CHCHD6: variants seen among roughly 807,000 people sequenced by gnomAD.
CHCHD6 encodes coiled-coil-helix-coiled-coil-helix domain containing 6.
In CHCHD6, 28 loss-of-function variants were observed where a neutral mutation model predicts 32.3. The observed-to-expected ratio is 0.87, with a 90% CI of 0.64 to 1.19. The LOEUF is 1.19. Among genes scored for constraint, CHCHD6 ranks in the 50% most tolerant of loss-of-function variants. The pLI is 0.00. For synonymous variants in CHCHD6, 122 were observed against 117.5 expected (o/e 1.04, Z -0.25); for missense variants, 333 against 307.0 (o/e 1.08, Z -0.63).
At chr3:126,766,588 G>C in intron 4 of CHCHD6, 1 of 1,190,018 alleles carries the variant, frequency 8.4e-7, no homozygotes. Flanking sequence ...TGCAGTGGAA[G>C]ACTTGGGCTT....
At chr3:126,866,890 C>T (rs1208147023) in intron 5 of CHCHD6, among the ~76,000 whole-genome samples, 1 of 152,196 alleles carries the variant, frequency 6.6e-6, no homozygotes, top group Non-Finnish European at 1.5e-5. Flanking sequence ...TATCTTGCCT[C>T]AGAGAATTGA....
chr3:126,738,086 G>C (rs1701044334), intron 4 of CHCHD6, among the ~76,000 whole-genome samples: 1 of 152,174 alleles, frequency 6.6e-6, no homozygotes, highest in Admixed American at 6.5e-5. Flanking sequence ...CAGTAGAGTA[G>C]CTGTCCTGTC....
intron 4 of CHCHD6, among the ~76,000 whole-genome samples, chr3:126,792,117 G>A (rs965211443): frequency 2.0e-5 from 3 of 151,848 alleles, no homozygotes; most frequent in South Asian, 4.1e-4. Flanking sequence ...CCATTCATCC[G>A]TTGATGGACA....
chr3:126,872,215 A>G (rs890417851), intron 5 of CHCHD6, among the ~76,000 whole-genome samples: 12 of 152,250 alleles, frequency 7.9e-5, no homozygotes, highest in Non-Finnish European at 1.5e-4. Flanking sequence ...TGCCCAGGAC[A>G]GCCCCTCACA....
chr3:126,808,832 T>TTTC (rs1440411593), intron 4 of CHCHD6, among the ~76,000 whole-genome samples: 4 of 152,212 alleles, frequency 2.6e-5, no homozygotes, highest in Admixed American at 2.0e-4. Flanking sequence ...GGAGAAGGAC[T>TTTC]TTCTGGTGAA....
intron 5 of CHCHD6, among the ~76,000 whole-genome samples, chr3:126,911,855 G>T (rs1440586044): frequency 6.6e-6 from 1 of 152,246 alleles, no homozygotes; most frequent in East Asian, 1.9e-4. Context: ...TTGGCAACAG[G>T]TGCCTGGGCC....
At chr3:126,953,221 G>C (rs1326637365) in intron 6 of CHCHD6, 11 of 769,578 alleles carry the variant, frequency 1.4e-5, no homozygotes, top group Non-Finnish European at 1.7e-5. Context: ...CTTTCCACTA[G>C]ACCAAGAGTC....
intron 4 of CHCHD6, among the ~76,000 whole-genome samples, chr3:126,748,613 GAAAGA>G (rs769009878): frequency 1.0e-4 from 15 of 145,654 alleles, no homozygotes; most frequent in East Asian, 1.0e-3. Context: ...AAAAAAAAAA[GAAAGA>G]AAAGAAATTA....
At chr3:126,733,365 A>G (rs1382458832) in intron 4 of CHCHD6, 143 bp downstream of exon 4, 2 of 766,186 alleles carry the variant, frequency 2.6e-6, no homozygotes, top group Non-Finnish European at 4.2e-6. Context: ...CTCTGTGGAA[A>G]AGGGTCTTTT....
intron 4 of CHCHD6, among the ~76,000 whole-genome samples, chr3:126,750,262 G>A (rs146605313): frequency 2.4e-4 from 37 of 152,164 alleles, no homozygotes; most frequent in Admixed American, 6.5e-4. Context: ...CCACAGAGTC[G>A]TCTTTGACTA....
chr3:126,875,507 T>G (rs1490294662), intron 5 of CHCHD6, among the ~76,000 whole-genome samples: 3 of 152,176 alleles, frequency 2.0e-5, no homozygotes, highest in Non-Finnish European at 4.4e-5. Flanking sequence ...AGAGCTTCCC[T>G]CAGAAATTTG....
chr3:126,954,959 G>A lies in CHCHD6; in HGVS notation c.567-2457G>A, dbSNP rs888694584. On this transcript the variant is annotated intron_variant, in intron 6 of 7. Coordinates refer to ENST00000290913, the MANE Select transcript of CHCHD6 (RefSeq NM_032343.3). ...CAGCCTTCTAAGGCTGGAGACTCAG[G>A]GAGCAGAACAGGAGGGGAGGCCTCT... Among the ~76,000 whole-genome samples, 3 of 152,352 alleles carry A rather than the reference G, an allele frequency of 2.0e-5. 1 individual carries two copies.
intron 4 of CHCHD6, among the ~76,000 whole-genome samples, chr3:126,827,115 G>A (rs1474012959): frequency 6.6e-6 from 1 of 152,160 alleles, no homozygotes; most frequent in African/African-American, 2.4e-5. Flanking sequence ...TGGAGGCAAG[G>A]GGGAAGAATG....
rs1935882931 is a variant in CHCHD6 at position 126,733,081 on chromosome 3, T to C, written c.270T>C (p.Tyr90=). 4 of 1,614,170 alleles carry C rather than the reference T, an allele frequency of 2.5e-6. No homozygotes were observed. Among genetic ancestry groups the C allele is most frequent in the Non-Finnish European group, 3.4e-6 (4 of 1,180,018 alleles). The change falls in exon 4 of 8, where the codon TAT becomes TAC. Residue 90 remains tyrosine, a synonymous_variant. Transcript: ENST00000290913. ...PSGMKEGVKR[Y]EQEHAAIQDK... ...TCCTCATGTTTCTTCTGCACAGGTA[T>C]GAACAGGAGCATGCTGCTATCCAGG...
intron 3 of CHCHD6, 53 bp downstream of exon 3, chr3:126,730,683 T>C: frequency 6.8e-7 from 1 of 1,469,512 alleles, no homozygotes; most frequent in South Asian, 1.1e-5. Flanking sequence ...TAAAAGCCTC[T>C]TTCCTCACTG....
chr3:126,851,174 A>G (rs1029504038), intron 4 of CHCHD6, among the ~76,000 whole-genome samples: 7 of 152,094 alleles, frequency 4.6e-5, no homozygotes, highest in Non-Finnish European at 8.8e-5. Context: ...CTTTCAGCTG[A>G]GTCTTTCTCC....
intron 4 of CHCHD6, among the ~76,000 whole-genome samples, chr3:126,845,371 T>C (rs1381045392): frequency 6.6e-6 from 1 of 152,188 alleles, no homozygotes; most frequent in East Asian, 1.9e-4. Context: ...CTAGAAATTA[T>C]TTTTCAAAAA....
chr3:126,771,501 G>A (rs920697471), intron 4 of CHCHD6, among the ~76,000 whole-genome samples: 3 of 152,032 alleles, frequency 2.0e-5, no homozygotes, highest in African/African-American at 4.8e-5. Context: ...GAACCACCAC[G>A]CCTGGCCCCC....
At chr3:126,727,541 A>G (rs913320203) in intron 2 of CHCHD6, among the ~76,000 whole-genome samples, 3 of 152,238 alleles carry the variant, frequency 2.0e-5, no homozygotes, top group Non-Finnish European at 2.9e-5. Context: ...CTCCCAAGTC[A>G]AAGAATGATG....
Sources: gnomAD v4.1 joint callset for allele counts (sites outside exome capture counted in the v4.1 genomes callset) on GRCh38, gnomAD v4.1.1 for gene constraint, MANE v1.5 for transcripts, NCBI Gene and HGNC (gene_info 2026-07-23, HGNC 2026-07-21) for gene names.